INTS13: variants seen among roughly 807,000 people sequenced by gnomAD.
The protein encoded by INTS13 is asunder, spermatogenesis regulator homolog (Drosphila).
Under a neutral mutation model 90.2 loss-of-function variants are expected in INTS13, and 35 were observed. That is an observed-to-expected ratio of 0.39 (90% confidence interval 0.30 to 0.51). The LOEUF (loss-of-function observed/expected upper bound fraction) is 0.51, where lower values mean the gene tolerates loss of function less well. Among genes scored for constraint, INTS13 ranks in the 20% least tolerant of loss-of-function variants. The probability of loss-of-function intolerance (pLI) is 0.80; values close to 1 mark genes in which losing one functional copy is unlikely to be tolerated. For missense variants in INTS13, 601 were observed against 851.2 expected (o/e 0.71, Z 3.66); for synonymous variants, 309 against 277.1 (o/e 1.11, Z -1.14).
In INTS13 at chr12:26,917,216, G is replaced by A. The variant is rs1030613750; in HGVS notation, c.1069+136C>T. 1.7e-5 allele frequency: 4 copies of A among 240,048 alleles called. No homozygotes were observed. In the Admixed American group the frequency reaches 2.3e-4, roughly 14 times the overall value. The allele number at this position is 240,048 out of a possible 1,614,324, so 14.9% of individuals were successfully genotyped here. ...TTAAAACAGCTTTGGCAAATAAATG[G>A]CAAAGCTACAGTGATGAATATAGCT... On this transcript the variant is annotated intron_variant, in intron 10 of 16. Transcript: ENST00000261191.
chr12:26,936,477 A>G, intron 2 of INTS13, 102 bp downstream of exon 2: 1 of 837,040 alleles, frequency 1.2e-6, no homozygotes. Context: ...ATTTTTAAGT[A>G]ATAAACACAC....
intron 2 of INTS13, among the ~76,000 whole-genome samples, chr12:26,935,423 C>T (rs1938408711): frequency 6.6e-6 from 1 of 152,110 alleles, no homozygotes. Flanking sequence ...GATGAAATAC[C>T]AGTTTTCCTT....
At position 26,924,148 on chromosome 12, in the gene INTS13, A is replaced by G. The variant is rs554241133; in HGVS notation, c.804+207T>C. ...TAAAATAAATAATACATGTCCAACA[A>G]TTATTTATTTATTTATTTTTTTAAT... On this transcript the variant is annotated intron_variant, in intron 7 of 16. Coordinates refer to ENST00000261191, the MANE Select transcript of INTS13 (RefSeq NM_018164.3). Among the ~76,000 whole-genome samples, 42 of 152,238 alleles carry G rather than the reference A, an allele frequency of 2.8e-4. No individual in the cohort carries two copies. In the South Asian group the frequency reaches 8.5e-3, roughly 31 times the overall value.
intron 15 of INTS13, among the ~76,000 whole-genome samples, chr12:26,909,098 T>G (rs537470945): frequency 6.6e-6 from 1 of 152,182 alleles, no homozygotes; most frequent in African/African-American, 2.4e-5. Flanking sequence ...CAGGGACTCA[T>G]GCCTGTAATC....
chr12:26,932,765 G>C (rs1938264607), intron 3 of INTS13, among the ~76,000 whole-genome samples: 1 of 149,224 alleles, frequency 6.7e-6, no homozygotes, highest in African/African-American at 2.4e-5. Flanking sequence ...AGATAAAAGA[G>C]TAGAAGAACA....
At chr12:26,926,298 C>T (rs2137523836) in intron 5 of INTS13, among the ~76,000 whole-genome samples, 1 of 152,232 alleles carries the variant, frequency 6.6e-6, no homozygotes, top group Admixed American at 6.5e-5. Flanking sequence ...TTTGAAATTT[C>T]CAGACCCACA....
chr12:26,905,549 G>A lies in INTS13; in HGVS notation c.2082-13C>T, dbSNP rs767482333. The A allele has an allele frequency of 3.7e-6, 6 of 1,605,622 alleles. No homozygotes were observed. The highest frequency in any genetic ancestry group is 2.2e-5 in the South Asian group (2 of 89,384). On this transcript the variant is annotated splice_polypyrimidine_tract_variant and intron_variant, in intron 16 of 16. Transcript: ENST00000261191. ...TGTTGTCTCCATCCTGAAATAGGAA[G>A]AAAAAAACGAGTTGATAAAATAAAT... is the stretch of plus-strand genomic sequence containing the variant.
At chr12:26,931,944 G>A (rs543659598) in intron 3 of INTS13, among the ~76,000 whole-genome samples, 12 of 151,958 alleles carry the variant, frequency 7.9e-5, no homozygotes, top group Admixed American at 1.3e-4. Flanking sequence ...AAAATCAGCC[G>A]GACGTGGTGG....
At chr12:26,912,844 C>T (rs1951822271) in intron 14 of INTS13, among the ~76,000 whole-genome samples, 1 of 152,046 alleles carries the variant, frequency 6.6e-6, no homozygotes, top group African/African-American at 2.4e-5. Flanking sequence ...TCTCGTGCCT[C>T]AGCCCCTTGA....
chr12:26,913,414 T>G, intron 14 of INTS13, 43 bp downstream of exon 14: 2 of 1,455,606 alleles, frequency 1.4e-6, no homozygotes, highest in Non-Finnish European at 1.9e-6. Flanking sequence ...GAATGTGATA[T>G]AACAAAAGGC....
rs374908643 is a variant in INTS13, at chr12:26,917,752, G to A, written c.890-19C>T. Reference sequence around the variant, plus strand: ...GAATCACCTTTAAAAATATGTCAGAGACATTACACATTGTATACATGTATC... The same window carrying A: ...GAATCACCTTTAAAAATATGTCAGAAACATTACACATTGTATACATGTATC... On this transcript the variant is annotated intron_variant, in intron 8 of 16. Transcript: ENST00000261191. The A allele has an allele frequency of 2.7e-5, 41 of 1,519,560 alleles. No individual in the cohort carries two copies. The highest frequency in any genetic ancestry group is 3.5e-5 in the Non-Finnish European group (39 of 1,106,476). The allele number at this position is 1,519,560 out of a possible 1,614,324, so 94.1% of individuals were successfully genotyped here.
At chr12:26,915,789 C>T (rs1951914989) in intron 11 of INTS13, among the ~76,000 whole-genome samples, 1 of 152,158 alleles carries the variant, frequency 6.6e-6, no homozygotes, top group South Asian at 2.1e-4. Flanking sequence ...AATTCAGATA[C>T]ATCTCAGTAT....
chr12:26,909,729 T>C (rs775611322), intron 15 of INTS13, among the ~76,000 whole-genome samples: 2 of 152,258 alleles, frequency 1.3e-5, no homozygotes, highest in African/African-American at 2.4e-5. Context: ...CTCTAGCAAA[T>C]GCCTGAAAGG....
chr12:26,918,261 T>G (rs1255647500), intron 8 of INTS13, among the ~76,000 whole-genome samples: 2 of 152,092 alleles, frequency 1.3e-5, no homozygotes, highest in African/African-American at 4.8e-5. Flanking sequence ...AAAGTTCACT[T>G]AAAAACAACA....
chr12:26,926,917 G>A (rs1042637200), intron 5 of INTS13, among the ~76,000 whole-genome samples: 2 of 152,216 alleles, frequency 1.3e-5, no homozygotes, highest in African/African-American at 2.4e-5. Context: ...CTATCCTCCA[G>A]AGAGGGGACA....
chr12:26,908,573 T>C (rs183494342), intron 15 of INTS13, among the ~76,000 whole-genome samples: 10 of 151,358 alleles, frequency 6.6e-5, no homozygotes, highest in East Asian at 3.9e-4. Context: ...ACAAAGAGAG[T>C]TGAATAGACG....
chr12:26,919,452 G>C (rs1280797039), intron 8 of INTS13, among the ~76,000 whole-genome samples: 1 of 152,156 alleles, frequency 6.6e-6, no homozygotes, highest in African/African-American at 2.4e-5. Flanking sequence ...TGAGAACATG[G>C]TCAGGATTAG....
Position 26,913,437 on chromosome 12 carries a change from T to C in INTS13, c.1805+20A>G. ...TATAACAAAAGGCACCATGGTGCTA[T>C]ATCAATGCCAGGAAGTCACCTCTCT... On this transcript the variant is annotated intron_variant, in intron 14 of 16. Coordinates refer to ENST00000261191, the MANE Select transcript of INTS13 (RefSeq NM_018164.3). 1.9e-6 allele frequency: 3 copies of C among 1,597,000 alleles called. No homozygotes were observed. Among genetic ancestry groups the C allele is most frequent in the South Asian group, 1.1e-5 (1 of 90,760 alleles).
rs143314459 is a variant in INTS13, at chr12:26,916,158, T to C, written c.1092A>G (p.Gln364=). ...TGACTTTAGAACCTGACTTTCGTGG[T>C]TGTTCCAATAAAACAGAACGACCTG... ...LLNGRSVLLE[Q]PRKSGSKVIS... Residue 364 remains glutamine, a synonymous_variant, in exon 11 of 17, where the codon CAA becomes CAG. Transcript: ENST00000261191. The C allele has an allele frequency of 5.6e-6, 9 of 1,611,142 alleles. No homozygotes were observed. In the African/African-American group the frequency reaches 1.1e-4, roughly 19 times the overall value.
Sources: gnomAD v4.1 joint callset for allele counts (sites outside exome capture counted in the v4.1 genomes callset) on GRCh38, gnomAD v4.1.1 for gene constraint, MANE v1.5 for transcripts, NCBI Gene and HGNC (gene_info 2026-07-23, HGNC 2026-07-21) for gene names.